Variants in NEK10 observed in about 807,000 individuals in gnomAD.
NEK10 encodes the protein serine/threonine-protein kinase Nek10.
A neutral mutation model predicts 159.8 loss-of-function variants in NEK10; 122 were observed. That is an observed-to-expected ratio of 0.76 (90% CI 0.66 to 0.89). The LOEUF (loss-of-function observed/expected upper bound fraction) is 0.89, where lower values mean the gene tolerates loss of function less well. NEK10 is among the 40% of genes least tolerant of loss of function. NEK10 has a pLI of 0.00. For missense variants in NEK10, 1,342 were observed against 1,323.1 expected (o/e 1.01, Z -0.22); for synonymous variants, 466 against 457.1 (o/e 1.02, Z -0.25).
intron 13 of NEK10, among the ~76,000 whole-genome samples, chr3:27,297,497 G>A (rs539448152): frequency 4.6e-5 from 7 of 152,174 alleles, no homozygotes; most frequent in East Asian, 1.9e-4. Context: ...CACTTTCTTC[G>A]TACCAGGAGG....
intron 23 of NEK10, among the ~76,000 whole-genome samples, chr3:27,220,273 C>A (rs549164071): frequency 6.6e-6 from 1 of 152,148 alleles, no homozygotes; most frequent in Non-Finnish European, 1.5e-5. Context: ...GGCTGCATTT[C>A]TTTCTGAAGG....
chr3:27,127,160 T>C (rs774983889), intron 32 of NEK10, among the ~76,000 whole-genome samples: 1 of 152,124 alleles, frequency 6.6e-6, no homozygotes, highest in South Asian at 2.1e-4. Flanking sequence ...TCTCCCCCAC[T>C]TCCCTTCCTA....
chr3:27,260,944 T>C (rs896503220), intron 22 of NEK10, among the ~76,000 whole-genome samples: 1 of 152,214 alleles, frequency 6.6e-6, no homozygotes, highest in East Asian at 1.9e-4. Context: ...CCTGGTTTAG[T>C]CTTGGGAGGG....
At chr3:27,241,709 T>A (rs1330930751) in intron 23 of NEK10, among the ~76,000 whole-genome samples, 1 of 152,216 alleles carries the variant, frequency 6.6e-6, no homozygotes, top group African/African-American at 2.4e-5. Context: ...TGCACTTCAA[T>A]TCTTTTCTCA....
At chr3:27,226,566 G>A (rs377095166) in intron 23 of NEK10, among the ~76,000 whole-genome samples, 2 of 152,114 alleles carry the variant, frequency 1.3e-5, no homozygotes, top group Non-Finnish European at 2.9e-5. Flanking sequence ...TTAACTCTGG[G>A]TCACCTCTTT....
In NEK10 at chr3:27,290,728, A is replaced by G; in HGVS notation, c.1632T>C (p.Leu544=). ...GTAAATTGACCTCTTTCATTGCTAA[A>G]AGATTTTGACCACTATGCTTTCTAA... ...YKVRKHSGQN[L]LAMKEVNLHN... Residue 544 remains leucine (L), a synonymous_variant, in exon 19 of 36, where the codon CTT becomes CTC. Coordinates refer to ENST00000691995, the MANE Select transcript of NEK10 (RefSeq NM_001394966.1). The G allele has an allele frequency of 6.2e-7, 1 of 1,609,530 alleles. No homozygotes were observed. Among genetic ancestry groups the G allele is most frequent in the Non-Finnish European group, 8.5e-7 (1 of 1,177,146 alleles).
rs573474905 is a variant in NEK10 at position 27,237,124 on chromosome 3, G to T, written c.2090+19172C>A. Among the ~76,000 whole-genome samples, 5 of 152,234 alleles carry T rather than the reference G, an allele frequency of 3.3e-5. No individual in the cohort carries two copies. The South Asian group carries it at 1.0e-3, about 32-fold the overall frequency. On this transcript the variant is annotated intron_variant, in intron 23 of 35. Coordinates refer to ENST00000691995, the MANE Select transcript of NEK10 (RefSeq NM_001394966.1). ...TTGCATGTCTGTTTATAGGCTCTCT[G>T]CAAGAAGAAAAATATGGCTCTATTC...
At chr3:27,204,556 A>G (rs867830902) in intron 23 of NEK10, among the ~76,000 whole-genome samples, 2 of 125,330 alleles carry the variant, frequency 1.6e-5, no homozygotes, top group African/African-American at 3.0e-5. Flanking sequence ...GAGAATATGC[A>G]GTGTTTGGTT....
intron 3 of NEK10, 83 bp from the exon 4 acceptor site, chr3:27,346,299 G>C: frequency 7.7e-6 from 11 of 1,437,708 alleles, no homozygotes; most frequent in African/African-American, 1.4e-5. Flanking sequence ...GGAGGATGAA[G>C]AGACTGAGAT....
At chr3:27,171,623 C>T (rs900784468) in intron 29 of NEK10, among the ~76,000 whole-genome samples, 196 bp downstream of exon 29, 13 of 152,152 alleles carry the variant, frequency 8.5e-5, no homozygotes, top group Non-Finnish European at 1.5e-4. Context: ...CAGAGCTAGA[C>T]TAAGACCCAG....
intron 26 of NEK10, among the ~76,000 whole-genome samples, chr3:27,189,375 C>G (rs576188120): frequency 1.7e-4 from 26 of 152,192 alleles, no homozygotes; most frequent in Middle Eastern, 3.4e-3. Context: ...TGCTTACCCA[C>G]TAATTTGCAA....
intron 31 of NEK10, among the ~76,000 whole-genome samples, chr3:27,139,639 CAT>C (rs754606676): frequency 7.2e-5 from 11 of 152,182 alleles, no homozygotes; most frequent in Non-Finnish European, 1.2e-4. Context: ...CCAGATTTCA[CAT>C]GTTAGTTCAT....
chr3:27,234,978 G>A (rs1228451253), intron 23 of NEK10, among the ~76,000 whole-genome samples: 1 of 152,076 alleles, frequency 6.6e-6, no homozygotes, highest in African/African-American at 2.4e-5. Context: ...ACAACCATCT[G>A]ATGTTTAAGA....
At chr3:27,187,953 T>C (rs1948771098) in intron 26 of NEK10, among the ~76,000 whole-genome samples, 1 of 152,154 alleles carries the variant, frequency 6.6e-6, no homozygotes, top group African/African-American at 2.4e-5. Context: ...TATAAAAATA[T>C]GCATTGTCAA....
rs181152474 is a variant in NEK10, at chr3:27,172,111, G to A, written c.2777-238C>T. On this transcript the variant is annotated intron_variant, in intron 28 of 35. Transcript: ENST00000691995. Reference sequence around the variant, plus strand: ...CCCAGCACTTTGTGAGGCCGAGGTAGATGAATCATGAGGTCAAGAGAGCGA... The same window carrying A: ...CCCAGCACTTTGTGAGGCCGAGGTAAATGAATCATGAGGTCAAGAGAGCGA... Among the ~76,000 whole-genome samples the A allele has an allele frequency of 9.7e-4, 148 of 152,012 alleles. 1 individual carries two copies. The highest frequency in any genetic ancestry group is 3.4e-3 in the African/African-American group (142 of 41,456).
intron 28 of NEK10, among the ~76,000 whole-genome samples, chr3:27,173,736 A>C (rs1490556504): frequency 6.6e-6 from 1 of 152,152 alleles, no homozygotes; most frequent in Non-Finnish European, 1.5e-5. Context: ...ATGGTTTTTA[A>C]TATTTTATCA....
At chr3:27,315,280 C>G (rs1248297318) in intron 6 of NEK10, among the ~76,000 whole-genome samples, 1 of 152,128 alleles carries the variant, frequency 6.6e-6, no homozygotes, top group Non-Finnish European at 1.5e-5. Flanking sequence ...AGAGAACAGT[C>G]TAGTTCTCCC....
chr3:27,226,618 T>A (rs1052050725), intron 23 of NEK10, among the ~76,000 whole-genome samples: 10 of 152,202 alleles, frequency 6.6e-5, no homozygotes, highest in African/African-American at 2.4e-4. Flanking sequence ...CAACTCATAG[T>A]GAACAGAGGC....
At chr3:27,338,284 G>T (rs1339600294) in intron 5 of NEK10, among the ~76,000 whole-genome samples, 2 of 152,168 alleles carry the variant, frequency 1.3e-5, no homozygotes, top group Admixed American at 1.3e-4. Flanking sequence ...TTTTATGGCT[G>T]CATAGTACTC....
Sources: allele counts gnomAD v4.1 joint callset (sites outside exome capture counted in the v4.1 genomes callset), GRCh38; gene constraint gnomAD v4.1.1; transcripts MANE v1.5; gene names NCBI Gene and HGNC (gene_info 2026-07-23, HGNC 2026-07-21).